The following FPR3 variants were observed in gnomAD, a reference collection of about 807,000 sequenced individuals.
The protein encoded by FPR3 is formyl peptide receptor 3.
For missense variants in FPR3, 346 were observed against 443.2 expected (o/e 0.78, Z 1.97); for synonymous variants, 135 against 163.6 (o/e 0.83, Z 1.34).
At chr19:51,807,652 G>A (rs970078344) in intron 1 of FPR3, among the ~76,000 whole-genome samples, 5 of 152,186 alleles carry the variant, frequency 3.3e-5, no homozygotes, top group Non-Finnish European at 7.3e-5. Context: ...CTGTCCACCT[G>A]GAATAGGTTT....
chr19:51,815,011 T>C (rs2084124846), intron 1 of FPR3, among the ~76,000 whole-genome samples: 1 of 150,886 alleles, frequency 6.6e-6, no homozygotes, highest in Admixed American at 6.6e-5. Context: ...GGTTTCACCT[T>C]GTTGCCCAGG....
intron 1 of FPR3, among the ~76,000 whole-genome samples, chr19:51,796,793 G>A (rs867877207): frequency 2.0e-4 from 30 of 152,318 alleles, no homozygotes; most frequent in African/African-American, 7.2e-4. Context: ...CAACAGTTTG[G>A]TAAAACCATG....
At chr19:51,815,861 C>A (rs1324402388) in intron 1 of FPR3, among the ~76,000 whole-genome samples, 38 of 131,322 alleles carry the variant, frequency 2.9e-4, no homozygotes, top group African/African-American at 3.3e-4. Flanking sequence ...GACCCTGTCT[C>A]AAAAAAAAAA....
intron 1 of FPR3, among the ~76,000 whole-genome samples, chr19:51,796,951 T>C (rs1410052571): frequency 6.6e-6 from 1 of 152,174 alleles, no homozygotes; most frequent in Admixed American, 6.5e-5. Context: ...GAATGTGAGA[T>C]ACCCCAACAT....
At chr19:51,813,227 A>G (rs2084110635) in intron 1 of FPR3, among the ~76,000 whole-genome samples, 1 of 151,868 alleles carries the variant, frequency 6.6e-6, no homozygotes, top group Non-Finnish European at 1.5e-5. Context: ...TAGCAGATGC[A>G]GTATCTGGTG....
chr19:51,810,049 A>C lies in FPR3; in HGVS notation c.-10-13690A>C, dbSNP rs138015657. ...TTTTTTCCACTGGGTGGGGCACTGC[A>C]TTGTAAGGTCCTTTCTGTACTGAGA... On this transcript the variant is annotated intron_variant, in intron 1 of 1. Coordinates refer to ENST00000339223, the MANE Select transcript of FPR3 (RefSeq NM_002030.5). Among the ~76,000 whole-genome samples the C allele has an allele frequency of 7.4e-3, 1,124 of 152,284 alleles. 3 individuals are homozygous for C. Among genetic ancestry groups the C allele is most frequent in the South Asian group, 9.3e-3 (45 of 4,828 alleles).
intron 1 of FPR3, among the ~76,000 whole-genome samples, chr19:51,812,370 A>G (rs1320141045): frequency 6.6e-6 from 1 of 152,244 alleles, no homozygotes; most frequent in African/African-American, 2.4e-5. Flanking sequence ...AAAATAAAAA[A>G]TATCACAAAG....
intron 1 of FPR3, among the ~76,000 whole-genome samples, chr19:51,801,732 G>A (rs1251529894): frequency 1.3e-5 from 2 of 152,198 alleles, no homozygotes; most frequent in African/African-American, 4.8e-5. Flanking sequence ...AGTGAGCCGA[G>A]ATTGTGCTAC....
rs2084121527 is a variant in FPR3 at position 51,814,677 on chromosome 19, A to G, written c.-10-9062A>G. Reference sequence around the variant, plus strand: ...CTGGGCTAATTTTTGTATTTTTAGTAAAGATGGGTTTTCGCCATGTTGGCC... The same window carrying G: ...CTGGGCTAATTTTTGTATTTTTAGTGAAGATGGGTTTTCGCCATGTTGGCC... On this transcript the variant is annotated intron_variant, in intron 1 of 1. Transcript: ENST00000339223. 2.0e-5 allele frequency among the ~76,000 whole-genome samples: 3 copies of G among 152,074 alleles called. No individual in the cohort carries two copies. In the South Asian group the frequency reaches 6.2e-4, roughly 32 times the overall value.
chr19:51,803,491 C>T (rs2084038273), intron 1 of FPR3, among the ~76,000 whole-genome samples: 1 of 151,954 alleles, frequency 6.6e-6, no homozygotes, highest in African/African-American at 2.4e-5. Flanking sequence ...CACTCCACTG[C>T]TTTACTCATT....
At chr19:51,814,563 G>A (rs927316609) in intron 1 of FPR3, among the ~76,000 whole-genome samples, 6 of 151,742 alleles carry the variant, frequency 4.0e-5, no homozygotes, top group Admixed American at 1.3e-4. Context: ...GTGTGATCTC[G>A]GCTCACTGCA....
rs1198697826 is a variant in FPR3 at position 51,824,501 on chromosome 19, C to T, written c.753C>T (p.Phe251=). Residue 251 remains phenylalanine, a synonymous_variant, in exon 2 of 2, where the codon TTC becomes TTT. Transcript: ENST00000339223. The surrounding 1 kb of genome is among the most constrained non-coding windows in gnomAD (Gnocchi z 4.7). ...TCGCTGCTGTGGTGGCTTCTTTCTT[C>T]ATCTGTTGGTTCCCTTATGAACTAA... ...RVFAAVVASF[F]ICWFPYELIG... 1 of 1,614,036 alleles carries T rather than the reference C, an allele frequency of 6.2e-7. No individual in the cohort carries two copies. Among genetic ancestry groups the T allele is most frequent in the Admixed American group, 1.7e-5 (1 of 60,004 alleles).
chr19:51,823,654 G>A, intron 1 of FPR3, 85 bp from the exon 2 acceptor site: 2 of 1,041,442 alleles, frequency 1.9e-6, no homozygotes, highest in South Asian at 1.7e-5. Flanking sequence ...GCTGGTAGGA[G>A]GAGGAGCTAC....
intron 1 of FPR3, among the ~76,000 whole-genome samples, chr19:51,808,140 A>G (rs905956341): frequency 2.0e-5 from 3 of 152,220 alleles, no homozygotes; most frequent in Non-Finnish European, 4.4e-5. Context: ...CAGGGAATTT[A>G]AAGAATCTCC....
At chr19:51,797,368 G>A (rs1010017025) in intron 1 of FPR3, among the ~76,000 whole-genome samples, 2 of 152,186 alleles carry the variant, frequency 1.3e-5, no homozygotes, top group African/African-American at 2.4e-5. Context: ...AGGTCATTTG[G>A]CTAGATAGGG....
rs150037774 is a variant in FPR3 at position 51,807,117 on chromosome 19, T to C, written c.-11+11786T>C. On this transcript the variant is annotated intron_variant, in intron 1 of 1. Coordinates refer to ENST00000339223, the MANE Select transcript of FPR3 (RefSeq NM_002030.5). The stretch of plus-strand genomic sequence containing the variant: ...AAAGACAAGAGATAAAAGAGTATAT[T>C]TGGAAGAAGCGGTCAGGGGGCAGCT... 3.0e-4 allele frequency among the ~76,000 whole-genome samples: 45 copies of C among 152,200 alleles called. 1 individual carries two copies. The East Asian group carries it at 8.7e-3, about 29-fold the overall frequency.
chr19:51,818,985 G>A (rs1399805171), intron 1 of FPR3, among the ~76,000 whole-genome samples: 1 of 152,220 alleles, frequency 6.6e-6, no homozygotes, highest in East Asian at 1.9e-4. Flanking sequence ...ATCCAAGCCT[G>A]ACAGGGCCAT....
At chr19:51,803,439 T>G (rs1177447841) in intron 1 of FPR3, among the ~76,000 whole-genome samples, 1 of 152,182 alleles carries the variant, frequency 6.6e-6, no homozygotes, top group African/African-American at 2.4e-5. Context: ...AAGACACCAC[T>G]CAACATGAAT....
rs1377077649 is a variant in FPR3 at position 51,825,652 on chromosome 19, A to G, written c.*842A>G. On this transcript the variant is annotated 3_prime_UTR_variant, in exon 2 of 2. Transcript: ENST00000339223. ...TCTTAATACCAGATACCCTAATCCC[A>G]GTCCTAACTTCATTTAACCTTGGTC... The G allele has an allele frequency of 6.0e-6, 1 of 167,136 alleles. No homozygotes were observed. The highest frequency in any genetic ancestry group is 6.5e-5 in the Admixed American group (1 of 15,290). 10.4% of individuals were successfully genotyped at this position (167,136 alleles called of 1,614,324 possible). A position where few individuals can be genotyped will look rare whatever the true frequency, so the allele number is the denominator to read the frequency against.
Sources: gnomAD v4.1 joint callset for allele counts (sites outside exome capture counted in the v4.1 genomes callset) on GRCh38, gnomAD v4.1.1 for gene constraint, Gnocchi (gnomAD v3.1) non-coding constraint, MANE v1.5 for transcripts, NCBI Gene and HGNC (gene_info 2026-07-23, HGNC 2026-07-21) for gene names.